TPD52: variants seen among roughly 807,000 people sequenced by gnomAD.
TPD52 encodes the protein prostate and colon associated protein.
Under a neutral mutation model 31.3 loss-of-function variants are expected in TPD52, and 17 were observed. The observed-to-expected ratio is 0.54, with a 90% CI of 0.37 to 0.82. TPD52 has a LOEUF of 0.82. Ranked by LOEUF, TPD52 falls within the 40% of genes least tolerant of loss-of-function variation. The probability of loss-of-function intolerance (pLI) is 0.00; values close to 1 mark genes in which losing one functional copy is unlikely to be tolerated. For synonymous variants in TPD52, 83 were observed against 89.6 expected (o/e 0.93, Z 0.42); for missense variants, 212 against 240.1 (o/e 0.88, Z 0.77).
intron 1 of TPD52, among the ~76,000 whole-genome samples, chr8:80,076,998 C>A (rs1814631177): frequency 6.6e-6 from 1 of 151,878 alleles, no homozygotes; most frequent in South Asian, 2.1e-4. Context: ...AAATTCTGGC[C>A]CGGCCCAGTG....
At chr8:80,171,102 C>T (rs938364394) in intron 1 of TPD52, 5 of 648,952 alleles carry the variant, frequency 7.7e-6, no homozygotes, top group African/African-American at 1.8e-5. Flanking sequence ...GCTCCCTTCA[C>T]GCGGCTTTCC....
intron 2 of TPD52, among the ~76,000 whole-genome samples, chr8:80,055,382 T>C (rs1008335516): frequency 6.6e-6 from 1 of 152,190 alleles, no homozygotes; most frequent in Non-Finnish European, 1.5e-5. Flanking sequence ...AGAGCATGAT[T>C]AAGAATCTCT....
chr8:80,131,864 G>C (rs1280094646), intron 1 of TPD52, among the ~76,000 whole-genome samples: 1 of 152,058 alleles, frequency 6.6e-6, no homozygotes, highest in African/African-American at 2.4e-5. Flanking sequence ...CTATGAAGAC[G>C]CAATTCAGCA....
At chr8:80,034,538 A>T (rs959276763), downstream of TPD52, among the ~76,000 whole-genome samples, 1 of 152,242 alleles carries the variant, frequency 6.6e-6, no homozygotes, top group Non-Finnish European at 1.5e-5. Context: ...CACTCTAAAA[A>T]TAGTCATTTC....
Position 80,171,478 on chromosome 8 carries a change from C to A in TPD52, c.-35G>T, listed in dbSNP as rs1304165755. The stretch of plus-strand genomic sequence containing the variant: ...CCGCCGCCTCGTGTCCTCTGCAGCA[C>A]CCCCGCCTGCAGCCCGTCCCGGCTC... On this transcript the variant is annotated 5_prime_UTR_variant, in exon 1 of 8. Coordinates refer to ENST00000518937, the MANE Select transcript of TPD52 (RefSeq NM_001025253.3). 3.8e-6 allele frequency: 6 copies of A among 1,561,962 alleles called. No individual in the cohort carries two copies. Among genetic ancestry groups the A allele is most frequent in the South Asian group, 1.1e-5 (1 of 87,096 alleles).
chr8:80,134,814 C>T (rs1361278644), intron 1 of TPD52, among the ~76,000 whole-genome samples: 2 of 152,210 alleles, frequency 1.3e-5, no homozygotes. Flanking sequence ...ACGAGAGGCC[C>T]TGAGCCACAC....
chr8:80,047,314 A>T (rs1810959422), intron 5 of TPD52, among the ~76,000 whole-genome samples: 1 of 152,176 alleles, frequency 6.6e-6, no homozygotes, highest in Admixed American at 6.5e-5. Context: ...TCTGCTTCTG[A>T]GGTACTATTG....
intron 1 of TPD52, among the ~76,000 whole-genome samples, chr8:80,135,624 A>T (rs1809335937): frequency 6.6e-6 from 1 of 151,468 alleles, no homozygotes; most frequent in African/African-American, 2.4e-5. Context: ...CAGCCATCCC[A>T]TTACTGGGTA....
In TPD52 at chr8:80,064,518, G is replaced by C. The variant is rs150326619; in HGVS notation, c.95C>G (p.Ser32Trp). Residue 32 changes from serine to tryptophan, a missense_variant, in exon 2 of 8, where the codon TCG (serine) becomes TGG (tryptophan). Ser to Trp is a radical substitution (Grantham distance 177, BLOSUM62 -3). Transcript: ENST00000518937. ...AATISATETL[S>W]EEEQEELRRE... ...TCTTAGCTCTTCCTGCTCCTCTTCC[G>C]AGAGGGTCTCTGTGGCACTGATCGT... 6.2e-7 allele frequency: 1 copy of C among 1,613,988 alleles called. No individual in the cohort carries two copies. Among genetic ancestry groups the C allele is most frequent in the Non-Finnish European group, 8.5e-7 (1 of 1,180,000 alleles).
At chr8:80,076,394 A>T (rs1563603624) in intron 1 of TPD52, among the ~76,000 whole-genome samples, 1 of 152,188 alleles carries the variant, frequency 6.6e-6, no homozygotes. Flanking sequence ...TTAGCAAACT[A>T]ACACAGGAAC....
chr8:80,079,404 A>C (rs752255605), intron 1 of TPD52, among the ~76,000 whole-genome samples: 3 of 152,172 alleles, frequency 2.0e-5, no homozygotes, highest in Non-Finnish European at 2.9e-5. Flanking sequence ...AGGTGCAACC[A>C]AGAGAGGAAT....
At chr8:80,072,318 T>TATGTGTGC (rs1491293912) in intron 1 of TPD52, among the ~76,000 whole-genome samples, 6 of 15,516 alleles carry the variant, frequency 3.9e-4, no homozygotes, top group African/African-American at 1.9e-3. Context: ...AAAACATATA[T>TATGTGTGC]GTGTGTGTGT....
chr8:80,106,603 G>A (rs779408828), intron 1 of TPD52, among the ~76,000 whole-genome samples: 46 of 151,654 alleles, frequency 3.0e-4, no homozygotes, highest in Admixed American at 1.5e-3. Flanking sequence ...TGACCCACCC[G>A]CTTCGGCCTC....
intron 1 of TPD52, chr8:80,064,858 T>C (rs1157219881): frequency 3.3e-6 from 2 of 601,250 alleles, no homozygotes; most frequent in East Asian, 3.6e-5. Flanking sequence ...TCAGTCACAA[T>C]ATAGTTATGG....
chr8:80,147,594 T>A (rs1227409863), intron 1 of TPD52, among the ~76,000 whole-genome samples: 7 of 152,194 alleles, frequency 4.6e-5, no homozygotes, highest in African/African-American at 1.7e-4. Flanking sequence ...TCCTGTTTTG[T>A]TGATTCTTTA....
intron 1 of TPD52, among the ~76,000 whole-genome samples, chr8:80,104,014 A>G (rs1806924823): frequency 6.6e-6 from 1 of 152,232 alleles, no homozygotes; most frequent in South Asian, 2.1e-4. Context: ...GCCAAGGACC[A>G]CGTGTCCCTG....
chr8:80,091,429 AC>A (rs1816257109), intron 1 of TPD52, among the ~76,000 whole-genome samples: 4 of 150,918 alleles, frequency 2.7e-5, no homozygotes, highest in Non-Finnish European at 4.4e-5. Context: ...AGATCGCGCC[AC>A]TGCGCTCCAG....
At chr8:80,151,568 C>T (rs1486839041) in intron 1 of TPD52, among the ~76,000 whole-genome samples, 1 of 152,064 alleles carries the variant, frequency 6.6e-6, no homozygotes, top group African/African-American at 2.4e-5. Flanking sequence ...AGTAGATCCC[C>T]AAAAAAAGAT....
At chr8:80,107,177 T>A (rs1027322144) in intron 1 of TPD52, among the ~76,000 whole-genome samples, 1 of 152,178 alleles carries the variant, frequency 6.6e-6, no homozygotes, top group Non-Finnish European at 1.5e-5. Context: ...AAGCCATTCC[T>A]AAAGTGTTTC....
Sources: gnomAD v4.1 joint callset for allele counts (sites outside exome capture counted in the v4.1 genomes callset) on GRCh38, gnomAD v4.1.1 for gene constraint, MANE v1.5 for transcripts, NCBI Gene and HGNC (gene_info 2026-07-23, HGNC 2026-07-21) for gene names.